RIC8B: variants seen among roughly 807,000 people sequenced by gnomAD.
RIC8B encodes the protein chaperone Ric-8B.
RIC8B carries 16 observed loss-of-function variants against 57.5 expected under a neutral mutation model. The observed-to-expected ratio is 0.28, with a 90% CI of 0.19 to 0.42. RIC8B has a LOEUF of 0.42. Ranked by LOEUF, RIC8B falls within the 10% of genes least tolerant of loss-of-function variation. The pLI is 1.00. For synonymous variants in RIC8B, 216 were observed against 250.8 expected (o/e 0.86, Z 1.31); for missense variants, 481 against 677.0 (o/e 0.71, Z 3.21).
At chr12:106,809,104 C>T (rs1410390461) in intron 2 of RIC8B, among the ~76,000 whole-genome samples, 3 of 152,112 alleles carry the variant, frequency 2.0e-5, no homozygotes, top group Non-Finnish European at 2.9e-5. Context: ...CACAATAAAT[C>T]GGAGACAGCT....
chr12:106,781,095 T>C (rs1318853683), intron 1 of RIC8B, among the ~76,000 whole-genome samples: 1 of 152,172 alleles, frequency 6.6e-6, no homozygotes, highest in African/African-American at 2.4e-5. Flanking sequence ...GTTAGCTTGC[T>C]TGATCTCTAA....
At chr12:106,837,932 C>T (rs1221169370) in intron 4 of RIC8B, among the ~76,000 whole-genome samples, 1 of 151,666 alleles carries the variant, frequency 6.6e-6, no homozygotes, top group Non-Finnish European at 1.5e-5. Context: ...GTGAGCACCA[C>T]ACCTGGTCGG....
At chr12:106,806,135 C>T (rs528514774) in intron 2 of RIC8B, among the ~76,000 whole-genome samples, 7 of 152,164 alleles carry the variant, frequency 4.6e-5, no homozygotes, top group African/African-American at 1.4e-4. Context: ...TTAGTAGAGA[C>T]GGGGTTTCTC....
chr12:106,847,783 C>T (rs1004146056), intron 6 of RIC8B, among the ~76,000 whole-genome samples: 11 of 152,114 alleles, frequency 7.2e-5, no homozygotes, highest in African/African-American at 2.4e-4. Flanking sequence ...TCGTGTCTGC[C>T]CTCATTTCTT....
chr12:106,826,015 A>G (rs1309092178), intron 4 of RIC8B, among the ~76,000 whole-genome samples, 195 bp downstream of exon 4: 2 of 152,092 alleles, frequency 1.3e-5, no homozygotes, highest in African/African-American at 4.8e-5. Flanking sequence ...GCCCCCTTTC[A>G]CTTTGTTATA....
At position 106,815,130 on chromosome 12, in the gene RIC8B, A is replaced by G. The variant is rs2045514506; in HGVS notation, c.567A>G (p.Leu189=). The G allele has an allele frequency of 1.2e-6, 2 of 1,614,214 alleles. No individual in the cohort carries two copies. The highest frequency in any genetic ancestry group is 4.5e-5 in the East Asian group (2 of 44,880). The change falls in exon 3 of 10, where the codon CTA becomes CTG. Residue 189 remains leucine (L), a synonymous_variant. Transcript: ENST00000392837. ...RSQLRYELQG[L]PLLTQILESA... ...AATTGCGCTATGAGCTCCAGGGACT[A>G]CCGCTGCTAACGCAGATCTTGGAAA...
chr12:106,836,985 C>G (rs2046629443), intron 4 of RIC8B, among the ~76,000 whole-genome samples: 1 of 152,208 alleles, frequency 6.6e-6, no homozygotes. Flanking sequence ...GATGCTCCTT[C>G]CTCAGTCACA....
intron 4 of RIC8B, among the ~76,000 whole-genome samples, chr12:106,835,098 C>T (rs1315471700): frequency 6.6e-6 from 1 of 150,642 alleles, no homozygotes; most frequent in Admixed American, 6.6e-5. Flanking sequence ...CTGGTTTGTA[C>T]TTACCGTTTC....
At chr12:106,799,274 C>T (rs549425625) in intron 2 of RIC8B, among the ~76,000 whole-genome samples, 1 of 152,156 alleles carries the variant, frequency 6.6e-6, no homozygotes, top group Non-Finnish European at 1.5e-5. Context: ...TGCTTGTTAA[C>T]GTTTCTTGAT....
At chr12:106,799,763 T>C (rs1223951302) in intron 2 of RIC8B, among the ~76,000 whole-genome samples, 5 of 152,206 alleles carry the variant, frequency 3.3e-5, no homozygotes, top group Admixed American at 2.0e-4. Context: ...TTCTGCTATA[T>C]TATTAATGTG....
At chr12:106,854,893 C>A (rs1293529500) in intron 7 of RIC8B, among the ~76,000 whole-genome samples, 1 of 152,104 alleles carries the variant, frequency 6.6e-6, no homozygotes, top group African/African-American at 2.4e-5. Flanking sequence ...GTGCCAGGCC[C>A]AACGGTATCT....
At chr12:106,871,007 C>G in intron 9 of RIC8B, 65 bp downstream of exon 9, 1 of 1,466,416 alleles carries the variant, frequency 6.8e-7, no homozygotes, top group Non-Finnish European at 9.2e-7. Context: ...GTCTCTCTCA[C>G]TGAGAGTTAC....
At chr12:106,838,641 C>T (rs1161440905) in intron 4 of RIC8B, among the ~76,000 whole-genome samples, 1 of 151,032 alleles carries the variant, frequency 6.6e-6, no homozygotes, top group Non-Finnish European at 1.5e-5. Context: ...TTGGGTATGA[C>T]ACCAAAAGCA....
chr12:106,815,612 A>G (rs1055302605), intron 3 of RIC8B, among the ~76,000 whole-genome samples: 1 of 152,232 alleles, frequency 6.6e-6, no homozygotes, highest in African/African-American at 2.4e-5. Flanking sequence ...GGTTTAAATT[A>G]TAAGATTTGA....
At chr12:106,860,028 A>C (rs901805659) in intron 7 of RIC8B, among the ~76,000 whole-genome samples, 3 of 151,998 alleles carry the variant, frequency 2.0e-5, no homozygotes, top group Non-Finnish European at 4.4e-5. Context: ...TTTTGCCATA[A>C]AGTGTGTTCA....
chr12:106,859,410 T>G (rs1237434866), intron 7 of RIC8B, among the ~76,000 whole-genome samples: 1 of 152,146 alleles, frequency 6.6e-6, no homozygotes, highest in Non-Finnish European at 1.5e-5. Flanking sequence ...AGGATAATAC[T>G]TTCAGAGAGC....
At chr12:106,785,086 C>G (rs1016130116) in intron 2 of RIC8B, among the ~76,000 whole-genome samples, 1 of 152,202 alleles carries the variant, frequency 6.6e-6, no homozygotes, top group Non-Finnish European at 1.5e-5. Flanking sequence ...CATTGACTTT[C>G]TTTACCTACA....
In RIC8B at chr12:106,886,570, C is replaced by G. The variant is rs1211962754; in HGVS notation, c.*555C>G. 1 of 152,694 alleles carries G rather than the reference C, an allele frequency of 6.5e-6. No homozygotes were observed. Among genetic ancestry groups the G allele is most frequent in the African/African-American group, 2.4e-5 (1 of 41,440 alleles). 9.5% of individuals were successfully genotyped at this position (152,694 alleles called of 1,614,324 possible). A position where few individuals can be genotyped will look rare whatever the true frequency, so the allele number is the denominator to read the frequency against. On this transcript the variant is annotated 3_prime_UTR_variant, in exon 10 of 10. Coordinates refer to ENST00000392837, the MANE Select transcript of RIC8B (RefSeq NM_001330145.2). ...ATAGAAACACACACACAGCCTCAGACTTACAAACTGATTATACTCTAAAAG... is the reference window on the plus strand; with the variant it reads ...ATAGAAACACACACACAGCCTCAGAGTTACAAACTGATTATACTCTAAAAG...
At chr12:106,870,614 A>T (rs1011940428) in intron 8 of RIC8B, among the ~76,000 whole-genome samples, 4 of 151,898 alleles carry the variant, frequency 2.6e-5, no homozygotes, top group South Asian at 2.1e-4. Context: ...TTCGTTTTTT[A>T]AAAAAAGTAT....
Sources: allele counts gnomAD v4.1 joint callset (sites outside exome capture counted in the v4.1 genomes callset), GRCh38; gene constraint gnomAD v4.1.1; transcripts MANE v1.5; gene names NCBI Gene and HGNC (gene_info 2026-07-23, HGNC 2026-07-21).